The following RNF180 variants were observed in gnomAD, a reference collection of about 807,000 sequenced individuals.
RNF180 encodes the protein E3 ubiquitin-protein ligase RNF180.
RNF180 carries 38 observed loss-of-function variants against 59.2 expected under a neutral mutation model. The observed-to-expected ratio is 0.64, with a 90% CI of 0.50 to 0.84. The LOEUF (loss-of-function observed/expected upper bound fraction) is 0.84. Among genes scored for constraint, RNF180 ranks in the 40% least tolerant of loss-of-function variants. RNF180 has a pLI of 0.00. For synonymous variants in RNF180, 262 were observed against 240.3 expected (o/e 1.09, Z -0.84); for missense variants, 705 against 700.9 (o/e 1.01, Z -0.07).
intron 1 of RNF180, among the ~76,000 whole-genome samples, chr5:64,196,552 T>C (rs1237070559): frequency 6.6e-6 from 1 of 152,098 alleles, no homozygotes; most frequent in African/African-American, 2.4e-5. Flanking sequence ...GAATAGTTTT[T>C]CACCCAATTT....
At chr5:64,357,288 A>G (rs1746065643) in intron 7 of RNF180, among the ~76,000 whole-genome samples, 1 of 151,850 alleles carries the variant, frequency 6.6e-6, no homozygotes, top group Admixed American at 6.6e-5. Context: ...AGTTGTGACT[A>G]TAAATATATC....
At chr5:64,209,031 G>A (rs116498804) in intron 2 of RNF180, among the ~76,000 whole-genome samples, 2,877 of 151,898 alleles carry the variant, frequency 0.019, 48 homozygotes, top group Middle Eastern at 0.037. Context: ...ATACCTTAAA[G>A]CATACACAGG....
Position 64,196,190 on chromosome 5 carries a change from G to GT in RNF180, c.1-4605dup, listed in dbSNP as rs375790160. On this transcript the variant is annotated intron_variant, in intron 1 of 7. Coordinates refer to ENST00000389100, the MANE Select transcript of RNF180 (RefSeq NM_001113561.2). ...GATGTCATGTATTAACAGGCACTTA[G>GT]TTTTTTTTTTTTTCCCACCATTAAC... Among the ~76,000 whole-genome samples, 1,267 of 146,480 alleles carry GT rather than the reference G, an allele frequency of 8.6e-3. 12 individuals carry two copies. The highest frequency in any genetic ancestry group is 0.047 in the East Asian group (236 of 4,992).
At chr5:64,353,226 T>C (rs1745885883) in intron 7 of RNF180, among the ~76,000 whole-genome samples, 1 of 151,828 alleles carries the variant, frequency 6.6e-6, no homozygotes, top group Non-Finnish European at 1.5e-5. Context: ...AAAAAACCTT[T>C]TCTGTTTATT....
chr5:64,334,702 A>G (rs1580270864), intron 7 of RNF180, among the ~76,000 whole-genome samples: 1 of 152,192 alleles, frequency 6.6e-6, no homozygotes, highest in African/African-American at 2.4e-5. Context: ...TTTGTCATTC[A>G]ATATTTTTCT....
upstream of RNF180, chr5:64,165,737 G>A (rs1749588815): frequency 6.6e-6 from 1 of 152,286 alleles, no homozygotes; most frequent in Non-Finnish European, 1.5e-5. Context: ...CGCTGGCTGT[G>A]GCGGGCGAGC....
At chr5:64,280,663 C>T (rs1353348631) in intron 5 of RNF180, among the ~76,000 whole-genome samples, 1 of 151,522 alleles carries the variant, frequency 6.6e-6, no homozygotes, top group Non-Finnish European at 1.5e-5. Context: ...CATTGGTCTG[C>T]GTGTCTGTTT....
intron 5 of RNF180, among the ~76,000 whole-genome samples, chr5:64,264,338 C>T (rs894348420): frequency 6.6e-6 from 1 of 151,998 alleles, no homozygotes; most frequent in Non-Finnish European, 1.5e-5. Context: ...AGGTTTTAAG[C>T]CCCACATGCA....
chr5:64,291,947 A>G (rs1561242831), intron 5 of RNF180, among the ~76,000 whole-genome samples: 1 of 151,750 alleles, frequency 6.6e-6, no homozygotes. Context: ...TCGTGGTTAT[A>G]TTGTGAATTT....
chr5:64,283,988 G>A (rs193289404), intron 5 of RNF180, among the ~76,000 whole-genome samples: 58 of 152,180 alleles, frequency 3.8e-4, no homozygotes, highest in African/African-American at 9.6e-4. Flanking sequence ...TGTGGTGGCC[G>A]GTAGTTATCT....
At chr5:64,292,801 T>G (rs1033811061) in intron 5 of RNF180, among the ~76,000 whole-genome samples, 1 of 151,702 alleles carries the variant, frequency 6.6e-6, no homozygotes, top group South Asian at 2.1e-4. Context: ...GAGATCAGAG[T>G]TCTGTCCATA....
At chr5:64,271,162 TA>T (rs1044087554) in intron 5 of RNF180, among the ~76,000 whole-genome samples, 2 of 151,984 alleles carry the variant, frequency 1.3e-5, no homozygotes, top group Non-Finnish European at 2.9e-5. Context: ...AGAAAGTAAA[TA>T]AAAAACTACA....
chr5:64,229,424 C>T (rs1357508088), intron 5 of RNF180, among the ~76,000 whole-genome samples: 1 of 152,150 alleles, frequency 6.6e-6, no homozygotes. Context: ...CAAAGAACTT[C>T]ATTTACTAGG....
In RNF180 at chr5:64,347,458, TGAG is replaced by T. The variant is rs1431829625; in HGVS notation, c.1579+17056_1579+17058del. On this transcript the variant is annotated intron_variant, in intron 7 of 7. Transcript: ENST00000389100. ...TTCCAACTTCTTTCTTTTAGGGACT[TGAG>T]GAGTATGTTAATGATCAGAAGACAA... Among the ~76,000 whole-genome samples the T allele has an allele frequency of 4.5e-4, 69 of 152,082 alleles. 1 individual carries two copies. The highest frequency in any genetic ancestry group is 3.9e-3 in the Admixed American group (60 of 15,252).
At chr5:64,235,825 T>A (rs201609579) in intron 5 of RNF180, among the ~76,000 whole-genome samples, 1 of 152,208 alleles carries the variant, frequency 6.6e-6, no homozygotes, top group East Asian at 1.9e-4. Context: ...CTTTCTCCTG[T>A]CACCATGTAA....
intron 7 of RNF180, among the ~76,000 whole-genome samples, chr5:64,333,514 A>G (rs929421040): frequency 2.6e-5 from 4 of 152,238 alleles, no homozygotes; most frequent in Non-Finnish European, 4.4e-5. Flanking sequence ...CAAAATATGA[A>G]ATCAAATGTA....
chr5:64,264,254 C>T (rs1035961436), intron 5 of RNF180, among the ~76,000 whole-genome samples: 4 of 151,996 alleles, frequency 2.6e-5, no homozygotes, highest in Non-Finnish European at 5.9e-5. Flanking sequence ...GGGATACATG[C>T]GCAGAATGTG....
At chr5:64,295,511 T>C (rs1406905198) in intron 5 of RNF180, among the ~76,000 whole-genome samples, 2 of 152,204 alleles carry the variant, frequency 1.3e-5, no homozygotes, top group East Asian at 3.9e-4. Context: ...AACATAATCG[T>C]TCATGGGGGC....
chr5:64,268,181 T>C (rs1425289923), intron 5 of RNF180, among the ~76,000 whole-genome samples: 1 of 152,168 alleles, frequency 6.6e-6, no homozygotes, highest in African/African-American at 2.4e-5. Context: ...AAATTATGCC[T>C]TTACTTTTAG....
Sources: gnomAD v4.1 joint callset for allele counts (sites outside exome capture counted in the v4.1 genomes callset) on GRCh38, gnomAD v4.1.1 for gene constraint, MANE v1.5 for transcripts, NCBI Gene and HGNC (gene_info 2026-07-23, HGNC 2026-07-21) for gene names.